Variants in ENPP2 observed in about 807,000 individuals in gnomAD.
ENPP2 encodes the protein autotaxin.
In ENPP2, 51 loss-of-function variants were observed where a neutral mutation model predicts 120.2. The ratio of observed to expected loss-of-function variants is 0.42; its 90% CI spans 0.34 to 0.54. The LOEUF is 0.54. Ranked by LOEUF, ENPP2 falls within the 20% of genes least tolerant of loss-of-function variation. The pLI, the probability that ENPP2 is intolerant of heterozygous loss-of-function variation, is 0.04. For synonymous variants in ENPP2, 365 were observed against 366.4 expected, an observed-to-expected ratio of 1.00 and a Z score of 0.04; for missense variants, 920 against 1,066.5, an observed-to-expected ratio of 0.86 and a Z score of 1.91.
intron 22 of ENPP2, 79 bp from the exon 23 acceptor site, chr8:119,565,034 A>G: frequency 2.3e-6 from 3 of 1,284,962 alleles, no homozygotes; most frequent in South Asian, 2.7e-5. Flanking sequence ...TCTAGGATGC[A>G]TGCTACGAGC....
chr8:119,669,512 A>C (rs572236466), intron 1 of ENPP2, among the ~76,000 whole-genome samples: 1 of 152,276 alleles, frequency 6.6e-6, no homozygotes, highest in African/African-American at 2.4e-5. Context: ...TCATCAGCAC[A>C]CATGATATTG....
At chr8:119,600,884 C>A in intron 10 of ENPP2, 134 bp from the exon 11 acceptor site, 1 of 600,962 alleles carries the variant, frequency 1.7e-6, no homozygotes, top group Non-Finnish European at 2.9e-6. Flanking sequence ...TTCATGTTAG[C>A]ATGAAAAACT....
chr8:119,612,726 C>T (rs545265166), intron 8 of ENPP2, among the ~76,000 whole-genome samples: 2 of 152,162 alleles, frequency 1.3e-5, no homozygotes, highest in Admixed American at 1.3e-4. Flanking sequence ...GTTGTCTCTA[C>T]AAAAGATACA....
intron 4 of ENPP2, among the ~76,000 whole-genome samples, 177 bp downstream of exon 4, chr8:119,621,217 A>C (rs1815870667): frequency 1.3e-5 from 2 of 152,188 alleles, no homozygotes; most frequent in African/African-American, 4.8e-5. Flanking sequence ...GTTACTTCAG[A>C]TCAGTGAAAT....
intron 1 of ENPP2, among the ~76,000 whole-genome samples, chr8:119,657,832 G>A (rs1024931373): frequency 2.6e-5 from 4 of 152,212 alleles, no homozygotes; most frequent in Admixed American, 1.3e-4. Flanking sequence ...GGAAGAGTGT[G>A]TGGACTCTTG....
chr8:119,596,427 G>C (rs982808389), intron 11 of ENPP2, among the ~76,000 whole-genome samples: 1 of 152,194 alleles, frequency 6.6e-6, no homozygotes, highest in Non-Finnish European at 1.5e-5. Context: ...GTCATTTCAA[G>C]AGGACAATGA....
chr8:119,629,769 G>A (rs1816529493), intron 2 of ENPP2, among the ~76,000 whole-genome samples: 1 of 152,038 alleles, frequency 6.6e-6, no homozygotes, highest in Non-Finnish European at 1.5e-5. Flanking sequence ...AACCATGGAG[G>A]CAGGAGGGGT....
Position 119,557,284 on chromosome 8 carries a change from G to A in ENPP2, c.*237C>T. The A allele has an allele frequency of 2.2e-6, 1 of 455,950 alleles. No individual in the cohort carries two copies. The highest frequency in any genetic ancestry group is 3.9e-6 in the Non-Finnish European group (1 of 258,892). 28.2% of individuals were successfully genotyped at this position (455,950 alleles called of 1,614,324 possible). On this transcript the variant is annotated 3_prime_UTR_variant, in exon 25 of 25. Transcript: ENST00000075322. ...AATATCAAATCTGCAGCACCATTTAGAAGCTTCCACTAAAAACTCAAGCTG... is the reference window on the plus strand; with the variant it reads ...AATATCAAATCTGCAGCACCATTTAAAAGCTTCCACTAAAAACTCAAGCTG...
At chr8:119,611,668 C>T (rs1225581491) in intron 8 of ENPP2, among the ~76,000 whole-genome samples, 1 of 152,202 alleles carries the variant, frequency 6.6e-6, no homozygotes, top group African/African-American at 2.4e-5. Context: ...AACAGAAATA[C>T]ACCAAGTCCC....
chr8:119,660,661 T>C, intron 1 of ENPP2, among the ~76,000 whole-genome samples: 1 of 152,212 alleles, frequency 6.6e-6, no homozygotes, highest in Non-Finnish European at 1.5e-5. Flanking sequence ...ACTTGTTTCA[T>C]TCTAAAAATG....
At chr8:119,633,673 T>G (rs1424369938) in intron 2 of ENPP2, among the ~76,000 whole-genome samples, 1 of 152,096 alleles carries the variant, frequency 6.6e-6, no homozygotes, top group Non-Finnish European at 1.5e-5. Flanking sequence ...TTGATGCTTC[T>G]GACCTCATTT....
Position 119,636,555 on chromosome 8 carries a change from G to A in ENPP2, c.136+1870C>T, listed in dbSNP as rs142171424. Among the ~76,000 whole-genome samples the A allele has an allele frequency of 2.5e-3, 376 of 152,242 alleles. 4 individuals are homozygous for A. Among genetic ancestry groups the A allele is most frequent in the Admixed American group, 4.0e-3 (61 of 15,280 alleles). On this transcript the variant is annotated intron_variant, in intron 2 of 24. Coordinates refer to ENST00000075322, the MANE Select transcript of ENPP2 (RefSeq NM_001040092.3). Reference sequence around the variant, plus strand: ...ATTAAATAATTCAAGGAGCAAATTCGTGTAGCCCACTTAAGACCATTTAGG... The same window carrying A: ...ATTAAATAATTCAAGGAGCAAATTCATGTAGCCCACTTAAGACCATTTAGG...
At chr8:119,619,718 A>G (rs1441994009) in intron 4 of ENPP2, among the ~76,000 whole-genome samples, 1 of 152,060 alleles carries the variant, frequency 6.6e-6, no homozygotes, top group Non-Finnish European at 1.5e-5. Context: ...TGCTAAAAAA[A>G]AAAAAAAAAG....
At chr8:119,672,954 A>T (rs1423614856) in intron 1 of ENPP2, among the ~76,000 whole-genome samples, 6 of 152,216 alleles carry the variant, frequency 3.9e-5, no homozygotes, top group African/African-American at 7.2e-5. Context: ...GCCCGCTTGC[A>T]GTCGAGCCGT....
chr8:119,578,968 T>C (rs1229594334), intron 19 of ENPP2, among the ~76,000 whole-genome samples: 1 of 152,344 alleles, frequency 6.6e-6, no homozygotes, highest in East Asian at 1.9e-4. Context: ...CAGAACCATA[T>C]GTAAGCTAAT....
intron 2 of ENPP2, among the ~76,000 whole-genome samples, chr8:119,636,970 A>T (rs1817035198): frequency 6.6e-6 from 1 of 152,122 alleles, no homozygotes; most frequent in Admixed American, 6.5e-5. Context: ...ATAATGAGTG[A>T]CTCAATTTTA....
rs185194370 is a variant in ENPP2 at position 119,608,022 on chromosome 8, T to A, written c.778-45A>T. 6.3e-6 allele frequency: 9 copies of A among 1,432,788 alleles called. No homozygotes were observed. The Admixed American group carries it at 1.8e-4, about 29-fold the overall frequency. The allele number at this position is 1,432,788 out of a possible 1,614,324, so 88.8% of individuals were successfully genotyped here. A position where few individuals can be genotyped will look rare whatever the true frequency, so the allele number is the denominator to read the frequency against. ...CGGCTTAAAATGTGTTCTGTGTTTT[T>A]GTCAAAGAAGAAAAAGTTTTTAAAA... On this transcript the variant is annotated intron_variant, in intron 8 of 24. Coordinates refer to ENST00000075322, the MANE Select transcript of ENPP2 (RefSeq NM_001040092.3).
intron 8 of ENPP2, 89 bp downstream of exon 8, chr8:119,616,176 A>AT: frequency 7.7e-7 from 1 of 1,290,886 alleles, no homozygotes; most frequent in Non-Finnish European, 1.1e-6. Context: ...AATTATACGC[A>AT]TTTTTTCCAC....
chr8:119,570,829 A>G lies in ENPP2; in HGVS notation c.1793T>C (p.Leu598Pro). ...ATAAAGCACTGCAGGTCGCCCATAG[A>G]GGAGGTGTCTCTCTAAAAAAGAAAA... is the stretch of plus-strand genomic sequence containing the variant. ...TKGSTEERHL[L>P]YGRPAVLYRT... is the part of the protein sequence containing the mutation. Residue 598 changes from leucine (L) to proline (P), a missense_variant, in exon 20 of 25, where the codon CTC becomes CCC. Coordinates refer to ENST00000075322, the MANE Select transcript of ENPP2 (RefSeq NM_001040092.3). The G allele has an allele frequency of 1.9e-6, 3 of 1,553,778 alleles. No individual in the cohort carries two copies. Among genetic ancestry groups the G allele is most frequent in the Non-Finnish European group, 2.6e-6 (3 of 1,157,924 alleles).
Sources: gnomAD v4.1 joint callset for allele counts (sites outside exome capture counted in the v4.1 genomes callset) on GRCh38, gnomAD v4.1.1 for gene constraint, MANE v1.5 for transcripts, NCBI Gene and HGNC (gene_info 2026-07-23, HGNC 2026-07-21) for gene names.